Variants in ELAPOR1 observed in about 807,000 individuals in gnomAD.
ELAPOR1 encodes endosome-lysosome associated apoptosis and autophagy regulator 1, also known as endosome/lysosome-associated apoptosis and autophagy regulator 1.
Under a neutral mutation model 119.7 loss-of-function variants are expected in ELAPOR1, and 77 were observed. The observed-to-expected ratio is 0.64, with a 90% CI of 0.54 to 0.78. The LOEUF (loss-of-function observed/expected upper bound fraction) is 0.78, where lower values mean the gene tolerates loss of function less well. Among genes scored for constraint, ELAPOR1 ranks in the 30% least tolerant of loss-of-function variants. The pLI, the probability that ELAPOR1 is intolerant of heterozygous loss-of-function variation, is 0.00. For synonymous variants in ELAPOR1, 481 were observed against 487.2 expected, an observed-to-expected ratio of 0.99 and a Z score of 0.17; for missense variants, 1,115 against 1,270.4, an observed-to-expected ratio of 0.88 and a Z score of 1.86.
chr1:109,158,833 A>G (rs1461707179), intron 1 of ELAPOR1, among the ~76,000 whole-genome samples: 1 of 151,990 alleles, frequency 6.6e-6, no homozygotes, highest in African/African-American at 2.4e-5. Context: ...AGAACGCTGA[A>G]TATAATTGAG....
At chr1:109,119,823 A>T (rs1454939948) in intron 1 of ELAPOR1, among the ~76,000 whole-genome samples, 1 of 152,130 alleles carries the variant, frequency 6.6e-6, no homozygotes, top group Non-Finnish European at 1.5e-5. Flanking sequence ...CGTTTCTTGA[A>T]GGTATAAGCC....
intron 1 of ELAPOR1, among the ~76,000 whole-genome samples, chr1:109,137,678 G>C: frequency 6.6e-6 from 1 of 151,420 alleles, no homozygotes; most frequent in East Asian, 1.9e-4. Context: ...ACAGGCATGC[G>C]CCACCACCCC....
intron 20 of ELAPOR1, 99 bp from the exon 21 acceptor site, chr1:109,200,636 G>T (rs1557704680): frequency 1.2e-5 from 13 of 1,123,598 alleles, no homozygotes; most frequent in Admixed American, 2.4e-5. Flanking sequence ...CTTACCCATG[G>T]CATGGGAATA....
chr1:109,149,959 GCCCC>G (rs1650428409), intron 1 of ELAPOR1, among the ~76,000 whole-genome samples: 1 of 152,216 alleles, frequency 6.6e-6, no homozygotes, highest in African/African-American at 2.4e-5. Flanking sequence ...ACAGTGCCGG[GCCCC>G]GAGCCTGGCA....
intron 21 of ELAPOR1, among the ~76,000 whole-genome samples, chr1:109,202,020 A>G (rs917029078): frequency 8.5e-5 from 13 of 152,188 alleles, no homozygotes; most frequent in African/African-American, 3.1e-4. Context: ...GGATCACTTG[A>G]GCCCAGGAGT....
At position 109,194,572 on chromosome 1, in the gene ELAPOR1, C is replaced by T. The variant is rs1312314950; in HGVS notation, c.2099C>T (p.Thr700Ile). 4 of 1,613,890 alleles carry T rather than the reference C, an allele frequency of 2.5e-6. No homozygotes were observed. In the East Asian group the frequency reaches 6.7e-5, roughly 27 times the overall value. Residue 700 changes from threonine (T) to isoleucine (I), a missense_variant, in exon 15 of 22, where the codon ACC (threonine) becomes ATC (isoleucine). Transcript: ENST00000369939. ...SKGLKYFHHFTLSLCGNQGRK... is the reference protein window; with the variant it reads ...SKGLKYFHHFILSLCGNQGRK... ...GGGCTGAAATACTTCCATCACTTTA[C>T]CCTCAGTCTCTGTGGAAACCAGGTA...
chr1:109,202,177 A>G (rs1413754312), intron 21 of ELAPOR1, among the ~76,000 whole-genome samples: 1 of 152,016 alleles, frequency 6.6e-6, no homozygotes, highest in Non-Finnish European at 1.5e-5. Context: ...CAGTGGCATG[A>G]TCTCAGCTCA....
chr1:109,190,567 A>G (rs1389140866), intron 11 of ELAPOR1, among the ~76,000 whole-genome samples: 1 of 152,166 alleles, frequency 6.6e-6, no homozygotes, highest in Non-Finnish European at 1.5e-5. Context: ...CATCCCTGGG[A>G]TGTTGCTCAG....
chr1:109,153,191 A>T (rs988089270), intron 1 of ELAPOR1, among the ~76,000 whole-genome samples: 1 of 152,112 alleles, frequency 6.6e-6, no homozygotes, highest in African/African-American at 2.4e-5. Flanking sequence ...TAAATTTACC[A>T]CATCAAAAAG....
intron 1 of ELAPOR1, among the ~76,000 whole-genome samples, chr1:109,153,919 G>A (rs1650694808): frequency 6.6e-6 from 1 of 151,930 alleles, no homozygotes; most frequent in South Asian, 2.1e-4. Context: ...ATTCTAGTCT[G>A]TATTTTCATC....
At chr1:109,123,814 T>A (rs890200633) in intron 1 of ELAPOR1, among the ~76,000 whole-genome samples, 1 of 152,232 alleles carries the variant, frequency 6.6e-6, no homozygotes, top group African/African-American at 2.4e-5. Flanking sequence ...TATACTTTTT[T>A]TTGAGATAGA....
At chr1:109,162,906 C>A (rs2101041965) in intron 2 of ELAPOR1, among the ~76,000 whole-genome samples, 1 of 152,300 alleles carries the variant, frequency 6.6e-6, no homozygotes, top group Middle Eastern at 3.4e-3. Flanking sequence ...GTGTGAACTG[C>A]AAAGACAAAT....
In ELAPOR1 at chr1:109,192,529, G is replaced by T; in HGVS notation, c.1684-82G>T. The stretch of plus-strand genomic sequence containing the variant: ...TAAGTATCACAGGATAGAAGATTAA[G>T]TACCTTGCTCTTTCTAGAGGCCTCA... On this transcript the variant is annotated intron_variant, in intron 13 of 21. Transcript: ENST00000369939. 3 of 1,407,190 alleles carry T rather than the reference G, an allele frequency of 2.1e-6. No individual in the cohort carries two copies. In the South Asian group the frequency reaches 3.9e-5, roughly 18 times the overall value. The allele number at this position is 1,407,190 out of a possible 1,614,324, so 87.2% of individuals were successfully genotyped here. A position where few individuals can be genotyped will look rare whatever the true frequency, so the allele number is the denominator to read the frequency against.
chr1:109,191,127 G>A (rs940782070), intron 11 of ELAPOR1, among the ~76,000 whole-genome samples: 8 of 152,096 alleles, frequency 5.3e-5, no homozygotes, highest in South Asian at 2.1e-4. Context: ...AGGTCTCCCC[G>A]CGATGATGGG....
At chr1:109,172,054 C>G in intron 4 of ELAPOR1, 41 bp downstream of exon 4, 1 of 1,610,424 alleles carries the variant, frequency 6.2e-7, no homozygotes, top group East Asian at 2.2e-5. Flanking sequence ...GCTAAAAAGC[C>G]TCTCTGGGGT....
chr1:109,175,599 G>A (rs1284628592), intron 7 of ELAPOR1, among the ~76,000 whole-genome samples: 2 of 150,458 alleles, frequency 1.3e-5, no homozygotes, highest in South Asian at 2.1e-4. Context: ...GGCCGAGGCA[G>A]GCAGATCACT....
intron 3 of ELAPOR1, among the ~76,000 whole-genome samples, chr1:109,169,283 A>G (rs1053293215): frequency 6.6e-6 from 1 of 152,186 alleles, no homozygotes; most frequent in African/African-American, 2.4e-5. Flanking sequence ...TTTATCACCC[A>G]GGCTGGAGTG....
At position 109,189,104 on chromosome 1, in the gene ELAPOR1, G is replaced by C; in HGVS notation, c.1258G>C (p.Gly420Arg). ...CCCTGCAGGGACTGAACCTGCTGTG[G>C]GATTTGAATACAAATGGTGGAACAC... is the stretch of plus-strand genomic sequence containing the variant. ...RCPAGTEPAV[G>R]FEYKWWNTLP... is the part of the protein sequence containing the mutation. The change falls in exon 10 of 22, where the codon GGA (glycine) becomes CGA (arginine). Residue 420 changes from glycine (G) to arginine (R), a missense_variant. By Grantham distance (125) the Gly-to-Arg change is moderately radical. Transcript: ENST00000369939. The C allele has an allele frequency of 6.2e-7, 1 of 1,614,054 alleles. No homozygotes were observed. Among genetic ancestry groups the C allele is most frequent in the Non-Finnish European group, 8.5e-7 (1 of 1,179,962 alleles).
chr1:109,118,673 C>A (rs144030884), intron 1 of ELAPOR1, among the ~76,000 whole-genome samples: 4 of 151,852 alleles, frequency 2.6e-5, no homozygotes, highest in African/African-American at 4.8e-5. Context: ...TGGTGACGGG[C>A]GGGTCAAGGA....
Sources: gnomAD v4.1 joint callset for allele counts (sites outside exome capture counted in the v4.1 genomes callset) on GRCh38, gnomAD v4.1.1 for gene constraint, MANE v1.5 for transcripts, NCBI Gene and HGNC (gene_info 2026-07-23, HGNC 2026-07-21) for gene names.